APAF1: variants seen among roughly 807,000 people sequenced by gnomAD.
The protein encoded by APAF1 is apoptotic protease-activating factor 1.
Under a neutral mutation model 152.4 loss-of-function variants are expected in APAF1, and 91 were observed. The ratio of observed to expected loss-of-function variants is 0.60; its 90% CI spans 0.50 to 0.71. APAF1 has a LOEUF of 0.71. Among genes scored for constraint, APAF1 ranks in the 30% least tolerant of loss-of-function variants. APAF1 has a pLI of 0.00. For missense variants in APAF1, 1,283 were observed against 1,472.0 expected, an observed-to-expected ratio of 0.87 and a Z score of 2.10; for synonymous variants, 484 against 494.1, an observed-to-expected ratio of 0.98 and a Z score of 0.27.
Position 98,665,625 on chromosome 12 carries a change from A to G in APAF1, c.1028A>G (p.Lys343Arg). ...CCCAATCGCTGGGAGTACTACCTCA[A>G]ACAGCTTCAGAATAAGCAGTTTAAG... ...DFPNRWEYYL[K>R]QLQNKQFKRI... Residue 343 changes from lysine to arginine, a missense_variant, in exon 8 of 27, where the codon AAA (lysine) becomes AGA (arginine). Coordinates refer to ENST00000551964, the MANE Select transcript of APAF1 (RefSeq NM_181861.2). The G allele has an allele frequency of 3.1e-6, 5 of 1,614,012 alleles. No individual in the cohort carries two copies. The highest frequency in any genetic ancestry group is 1.3e-5 in the African/African-American group (1 of 74,998).
chr12:98,653,691 A>ATAAATATATATATATATATAT (rs1429273147), intron 4 of APAF1, among the ~76,000 whole-genome samples: 1 of 15,090 alleles, frequency 6.6e-5, no homozygotes, highest in Non-Finnish European at 1.3e-4. Context: ...AAAAAAAAAA[A>ATAAATATATATATATATATAT]ATATATATAT....
chr12:98,658,679 C>G (rs906654331), intron 4 of APAF1, among the ~76,000 whole-genome samples: 4 of 152,126 alleles, frequency 2.6e-5, no homozygotes, highest in Admixed American at 6.5e-5. Flanking sequence ...TCACACCCCC[C>G]CAGGTGACAT....
chr12:98,693,004 C>A (rs2097705947), intron 16 of APAF1, among the ~76,000 whole-genome samples: 1 of 152,102 alleles, frequency 6.6e-6, no homozygotes, highest in African/African-American at 2.4e-5. Flanking sequence ...TACATTCCCA[C>A]CAGCAGTGTA....
chr12:98,677,124 A>T (rs2097687433), intron 12 of APAF1, among the ~76,000 whole-genome samples: 1 of 152,234 alleles, frequency 6.6e-6, no homozygotes, highest in Non-Finnish European at 1.5e-5. Context: ...ATGGAAAGTG[A>T]CATGTTGATT....
chr12:98,700,275 C>T (rs906923066), intron 17 of APAF1, among the ~76,000 whole-genome samples: 4 of 152,170 alleles, frequency 2.6e-5, no homozygotes, highest in East Asian at 1.9e-4. Flanking sequence ...TCTAAAGTTA[C>T]ATTGTGATTA....
Position 98,699,455 on chromosome 12 carries a change from A to G in APAF1, c.2352A>G (p.Lys784=), listed in dbSNP as rs1398864488. The change falls in exon 17 of 27, where the codon AAA becomes AAG. Residue 784 remains lysine (K), a synonymous_variant. Transcript: ENST00000551964. ...ATGAGAGGAAAAGCATTAATGTGAA[A>G]CAGTTCTTCCTAAATTTGGAGGACC... ...SANERKSINV[K]QFFLNLEDPQ... is the part of the protein sequence containing the mutation. 1.2e-6 allele frequency: 2 copies of G among 1,614,156 alleles called. No homozygotes were observed. The highest frequency in any genetic ancestry group is 1.7e-6 in the Non-Finnish European group (2 of 1,180,008).
intron 20 of APAF1, among the ~76,000 whole-genome samples, chr12:98,710,163 C>T (rs7311674): frequency 0.025 from 3,739 of 149,460 alleles, 140 homozygotes; most frequent in African/African-American, 0.087. Context: ...TGTGAGCCAC[C>T]GTGCCCGGCC....
At chr12:98,680,522 T>G in intron 14 of APAF1, 120 bp downstream of exon 14, 1 of 983,962 alleles carries the variant, frequency 1.0e-6, no homozygotes. Context: ...ACTAACCTGA[T>G]TCATTGTAAA....
At chr12:98,661,465 CTTTATTTTTATT>C (rs922354426) in intron 5 of APAF1, among the ~76,000 whole-genome samples, 2 of 151,778 alleles carry the variant, frequency 1.3e-5, no homozygotes, top group South Asian at 2.1e-4. Flanking sequence ...TAGAGTATTT[CTTTATTTTTATT>C]TTTATTTTTA....
At chr12:98,699,358 T>C (rs2097712864) in intron 16 of APAF1, 50 bp from the exon 17 acceptor site, 12 of 1,562,854 alleles carry the variant, frequency 7.7e-6, no homozygotes, top group Non-Finnish European at 8.7e-6. Flanking sequence ...TCTAGAAGTG[T>C]GATTATAGAG....
intron 12 of APAF1, among the ~76,000 whole-genome samples, chr12:98,676,602 T>C (rs919618947): frequency 1.3e-5 from 2 of 152,128 alleles, no homozygotes; most frequent in African/African-American, 4.8e-5. Context: ...AATATGATGT[T>C]GCTTTATCTT....
At chr12:98,667,009 A>G (rs1455044375) in intron 9 of APAF1, among the ~76,000 whole-genome samples, 2 of 151,466 alleles carry the variant, frequency 1.3e-5, no homozygotes, top group Non-Finnish European at 2.9e-5. Flanking sequence ...ATGTTTTATT[A>G]TGGGTGATGT....
At position 98,723,396 on chromosome 12, in the gene APAF1, G is replaced by A. The variant is rs2097745816; in HGVS notation, c.3204+84G>A. 30 of 1,447,516 alleles carry A rather than the reference G, an allele frequency of 2.1e-5. No homozygotes were observed. The South Asian group carries it at 3.6e-4, about 18-fold the overall frequency. The allele number at this position is 1,447,516 out of a possible 1,614,324, so 89.7% of individuals were successfully genotyped here. A position where few individuals can be genotyped will look rare whatever the true frequency, so the allele number is the denominator to read the frequency against. ...TTGAGACAGTCAAAAGCCACTGTGA[G>A]GCTAATTACTTACTTAAAAATTTTT... On this transcript the variant is annotated intron_variant, in intron 23 of 26. Transcript: ENST00000551964.
intron 22 of APAF1, among the ~76,000 whole-genome samples, chr12:98,715,855 T>C (rs1464348326): frequency 6.6e-6 from 1 of 152,236 alleles, no homozygotes; most frequent in African/African-American, 2.4e-5. Flanking sequence ...GCCACATTTA[T>C]GTAATTTCTC....
At chr12:98,676,922 G>A (rs2097687216) in intron 12 of APAF1, among the ~76,000 whole-genome samples, 1 of 152,208 alleles carries the variant, frequency 6.6e-6, no homozygotes, top group Non-Finnish European at 1.5e-5. Flanking sequence ...TAGGATTACA[G>A]GCATGAGCCA....
chr12:98,718,480 C>T (rs2097737608), intron 22 of APAF1, among the ~76,000 whole-genome samples: 2 of 152,098 alleles, frequency 1.3e-5, no homozygotes, highest in South Asian at 4.2e-4. Context: ...AGTGATCTCA[C>T]CTTGGCCTCC....
chr12:98,729,527 C>T (rs536919326), intron 26 of APAF1, among the ~76,000 whole-genome samples: 3 of 152,330 alleles, frequency 2.0e-5, no homozygotes, highest in South Asian at 2.1e-4. Context: ...TTCTGCTCTG[C>T]GGATGGGTTC....
intron 22 of APAF1, among the ~76,000 whole-genome samples, chr12:98,717,148 A>G (rs1006501562): frequency 5.9e-5 from 9 of 151,928 alleles, no homozygotes; most frequent in African/African-American, 2.2e-4. Flanking sequence ...GATTACAGGC[A>G]TGAGCCCCCG....
intron 16 of APAF1, among the ~76,000 whole-genome samples, chr12:98,690,684 C>T (rs142343936): frequency 1.2e-3 from 187 of 152,216 alleles, no homozygotes; most frequent in African/African-American, 3.7e-3. Context: ...CCTTATTTGC[C>T]GCTGAATTAT....
Sources: gnomAD v4.1 joint callset for allele counts (sites outside exome capture counted in the v4.1 genomes callset) on GRCh38, gnomAD v4.1.1 for gene constraint, MANE v1.5 for transcripts, NCBI Gene and HGNC (gene_info 2026-07-23, HGNC 2026-07-21) for gene names.